GNG4: variants seen among roughly 807,000 people sequenced by gnomAD.
GNG4 encodes the protein guanine nucleotide-binding protein G(I)/G(S)/G(O) subunit gamma-4.
A neutral mutation model predicts 5.8 loss-of-function variants in GNG4; 4 were observed. The ratio of observed to expected loss-of-function variants is 0.69; its 90% CI spans 0.34 to 1.57. The LOEUF is 1.57. Among genes scored for constraint, GNG4 ranks in the 40% most tolerant of loss-of-function variants. The pLI, the probability that GNG4 is intolerant of heterozygous loss-of-function variation, is 0.06. For missense variants in GNG4, 96 were observed against 95.1 expected (o/e 1.01, Z -0.04); for synonymous variants, 29 against 32.9 (o/e 0.88, Z 0.41).
At chr1:235,587,360 GGT>G (rs71843799) in intron 2 of GNG4, among the ~76,000 whole-genome samples, 9 of 89,608 alleles carry the variant, frequency 1.0e-4, no homozygotes, top group African/African-American at 3.2e-4. Flanking sequence ...TCAGGGGTGG[GGT>G]GTGTGTGAGT....
At chr1:235,621,608 C>T (rs1397977724) in intron 1 of GNG4, among the ~76,000 whole-genome samples, 2 of 150,690 alleles carry the variant, frequency 1.3e-5, no homozygotes, top group African/African-American at 2.4e-5. Context: ...AAAAGTTGTC[C>T]GATATTTGTG....
intron 1 of GNG4, among the ~76,000 whole-genome samples, chr1:235,597,784 C>T (rs1281091925): frequency 6.6e-6 from 1 of 151,756 alleles, no homozygotes; most frequent in African/African-American, 2.4e-5. Context: ...CACCACCACA[C>T]CTGGCTAATT....
At chr1:235,607,086 G>C (rs183895736) in intron 1 of GNG4, among the ~76,000 whole-genome samples, 1 of 151,416 alleles carries the variant, frequency 6.6e-6, no homozygotes, top group African/African-American at 2.4e-5. Flanking sequence ...TTACAGGTGC[G>C]CACCACCACA....
At chr1:235,586,221 G>T (rs1687756079) in intron 2 of GNG4, among the ~76,000 whole-genome samples, 2 of 152,220 alleles carry the variant, frequency 1.3e-5, no homozygotes, top group African/African-American at 4.8e-5. Flanking sequence ...ACGACAAGTT[G>T]GGAGCTTTGA....
chr1:235,586,000 T>C (rs533027507), intron 2 of GNG4, among the ~76,000 whole-genome samples: 1 of 152,350 alleles, frequency 6.6e-6, no homozygotes, highest in Admixed American at 6.5e-5. Flanking sequence ...GGTTAGTGTA[T>C]GGGACCCACT....
intron 3 of GNG4, among the ~76,000 whole-genome samples, chr1:235,562,710 T>C (rs1396754031): frequency 6.7e-6 from 1 of 149,088 alleles, no homozygotes; most frequent in Non-Finnish European, 1.5e-5. Context: ...GGGATTCTGA[T>C]TGGGATCACA....
chr1:235,600,100 C>CT (rs533853180), intron 1 of GNG4, among the ~76,000 whole-genome samples: 2,529 of 43,006 alleles, frequency 0.059, 656 homozygotes, highest in African/African-American at 0.14. Context: ...CGGAAGAAAG[C>CT]TTTTTTTTTT....
intron 1 of GNG4, among the ~76,000 whole-genome samples, chr1:235,647,430 A>G (rs1236188150): frequency 1.3e-5 from 1 of 79,740 alleles, no homozygotes; most frequent in African/African-American, 6.2e-5. Flanking sequence ...CAAACTAGGA[A>G]AAATGTGATA....
chr1:235,554,771 GGAGTTGGAAGTTGCAATGAGCT>G (rs1203720888), intron 3 of GNG4, among the ~76,000 whole-genome samples: 1 of 151,462 alleles, frequency 6.6e-6, no homozygotes, highest in Admixed American at 6.6e-5. Context: ...CTTGAACTCG[GGAGTTGGAAGTTGCAATGAGCT>G]GAGATTGTGC....
chr1:235,593,602 A>G (rs1250136152), intron 2 of GNG4, among the ~76,000 whole-genome samples: 1 of 152,196 alleles, frequency 6.6e-6, no homozygotes, highest in Non-Finnish European at 1.5e-5. Context: ...ACAATTCTCA[A>G]TTCTTAAAGG....
intron 3 of GNG4, among the ~76,000 whole-genome samples, chr1:235,560,312 T>C (rs1687024761): frequency 6.6e-6 from 1 of 152,180 alleles, no homozygotes; most frequent in Non-Finnish European, 1.5e-5. Context: ...AGGGCTCTGT[T>C]CTCATGAATG....
chr1:235,610,332 C>T (rs1264660997), intron 1 of GNG4, among the ~76,000 whole-genome samples: 1 of 152,190 alleles, frequency 6.6e-6, no homozygotes, highest in East Asian at 1.9e-4. Flanking sequence ...CAAGATGTCA[C>T]CTTGTCCCAT....
At chr1:235,621,658 G>C (rs896899954) in intron 1 of GNG4, among the ~76,000 whole-genome samples, 1 of 145,688 alleles carries the variant, frequency 6.9e-6, no homozygotes, top group African/African-American at 2.5e-5. Flanking sequence ...TTACAGTTCT[G>C]CAATTCCACT....
At chr1:235,556,536 G>A (rs1260463347) in intron 3 of GNG4, among the ~76,000 whole-genome samples, 2 of 137,656 alleles carry the variant, frequency 1.5e-5, no homozygotes, top group Non-Finnish European at 3.1e-5. Context: ...CCAGCCTGGC[G>A]ACAGAGTGAG....
chr1:235,604,099 T>G (rs1045347186), intron 1 of GNG4, among the ~76,000 whole-genome samples: 1 of 152,240 alleles, frequency 6.6e-6, no homozygotes, highest in African/African-American at 2.4e-5. Context: ...CTGAGGCTCT[T>G]ACATCAGCCC....
chr1:235,587,399 G>C (rs1273925431), intron 2 of GNG4, among the ~76,000 whole-genome samples: 1 of 92,518 alleles, frequency 1.1e-5, no homozygotes, highest in Non-Finnish European at 2.2e-5. Context: ...GTGTGAGCAT[G>C]TATGAGGGTG....
chr1:235,575,312 A>G (rs138079142), intron 3 of GNG4, among the ~76,000 whole-genome samples: 222 of 152,272 alleles, frequency 1.5e-3, no homozygotes, highest in African/African-American at 5.2e-3. Context: ...TAAGTTGAAA[A>G]TGTCGTAAGT....
At chr1:235,643,111 T>G (rs1009932861) in intron 1 of GNG4, among the ~76,000 whole-genome samples, 1 of 152,148 alleles carries the variant, frequency 6.6e-6, no homozygotes. Flanking sequence ...CTTCCCCACA[T>G]GGCAGTCACA....
intron 1 of GNG4, among the ~76,000 whole-genome samples, chr1:235,620,814 C>T (rs866266822): frequency 2.6e-5 from 4 of 152,324 alleles, no homozygotes; most frequent in Middle Eastern, 3.4e-3. Flanking sequence ...GGATTACAGG[C>T]GTGAGCCACT....
Sources: gnomAD v4.1 joint callset for allele counts (sites outside exome capture counted in the v4.1 genomes callset) on GRCh38, gnomAD v4.1.1 for gene constraint, MANE v1.5 for transcripts, NCBI Gene and HGNC (gene_info 2026-07-23, HGNC 2026-07-21) for gene names.